Variants in PSEN1 observed in about 807,000 individuals in gnomAD.
The protein encoded by PSEN1 is presenilin 1.
PSEN1 carries 15 observed loss-of-function variants against 53.5 expected under a neutral mutation model. The observed-to-expected ratio is 0.28, with a 90% confidence interval of 0.19 to 0.43. The LOEUF is 0.43. Among genes scored for constraint, PSEN1 ranks in the 20% least tolerant of loss-of-function variants. The probability of loss-of-function intolerance (pLI) is 1.00; values close to 1 mark genes in which losing one functional copy is unlikely to be tolerated. For synonymous variants in PSEN1, 208 were observed against 209.8 expected, an observed-to-expected ratio of 0.99 and a Z score of 0.08; for missense variants, 387 against 571.2, an observed-to-expected ratio of 0.68 and a Z score of 3.29.
At chr14:73,163,925 T>G (rs1041200983) in intron 3 of PSEN1, among the ~76,000 whole-genome samples, 2 of 151,324 alleles carry the variant, frequency 1.3e-5, no homozygotes, top group African/African-American at 2.5e-5. Flanking sequence ...TGATCTCATT[T>G]TGTTTAAAAA....
intron 7 of PSEN1, among the ~76,000 whole-genome samples, chr14:73,196,474 AT>A (rs35294154): frequency 0.13 from 13,261 of 102,374 alleles, 342 homozygotes; most frequent in Middle Eastern, 0.2. Flanking sequence ...GAGGCATGAA[AT>A]TTTTTTTTTT....
intron 1 of PSEN1, among the ~76,000 whole-genome samples, chr14:73,142,432 A>G (rs1037811537): frequency 6.6e-6 from 1 of 152,242 alleles, no homozygotes; most frequent in Non-Finnish European, 1.5e-5. Flanking sequence ...CCTTTGTGCT[A>G]GAGATCATGG....
chr14:73,151,950 T>C (rs1594970183), intron 3 of PSEN1, among the ~76,000 whole-genome samples: 1 of 113,892 alleles, frequency 8.8e-6, no homozygotes, highest in East Asian at 3.1e-4. Context: ...CTCGCTCTGT[T>C]GCCCAGGCTG....
intron 7 of PSEN1, among the ~76,000 whole-genome samples, chr14:73,196,474 ATTTTTT>A (rs35294154): frequency 9.8e-5 from 10 of 102,282 alleles, no homozygotes; most frequent in African/African-American, 3.9e-4. Context: ...GAGGCATGAA[ATTTTTT>A]TTTTTTTTTT....
At chr14:73,150,730 A>ACTCCAG (rs1218480889) in intron 3 of PSEN1, among the ~76,000 whole-genome samples, 3 of 129,258 alleles carry the variant, frequency 2.3e-5, no homozygotes, top group Non-Finnish European at 4.7e-5. Context: ...GCACCACTGC[A>ACTCCAG]CTCCAGCTTG....
intron 9 of PSEN1, among the ~76,000 whole-genome samples, chr14:73,210,231 GA>G (rs1185895147): frequency 6.6e-6 from 1 of 152,088 alleles, no homozygotes; most frequent in African/African-American, 2.4e-5. Context: ...TTCATCAGTG[GA>G]AAAAAATGAG....
At chr14:73,145,774 C>T (rs768195092) in intron 1 of PSEN1, among the ~76,000 whole-genome samples, 7 of 152,112 alleles carry the variant, frequency 4.6e-5, no homozygotes, top group South Asian at 2.1e-4. Flanking sequence ...CATCAGGGAC[C>T]GTCTGTATTG....
At chr14:73,136,486 C>T (rs760593463), upstream of PSEN1, 2 of 152,896 alleles carry the variant, frequency 1.3e-5, no homozygotes, top group South Asian at 2.1e-4. Context: ...CAGGCAGCTC[C>T]GGGGTCCGCG....
intron 5 of PSEN1, among the ~76,000 whole-genome samples, chr14:73,175,131 T>C (rs1375829992): frequency 1.3e-5 from 2 of 152,102 alleles, no homozygotes; most frequent in Non-Finnish European, 2.9e-5. Flanking sequence ...TTTGTTTTTT[T>C]GTTTTTTTCC....
chr14:73,211,629 C>T, intron 9 of PSEN1, 140 bp from the exon 10 acceptor site: 1 of 813,238 alleles, frequency 1.2e-6, no homozygotes, highest in Non-Finnish European at 2.0e-6. Flanking sequence ...AAACTACCAG[C>T]AGGCACTGCT....
At chr14:73,200,849 GAA>G (rs763399179) in intron 8 of PSEN1, among the ~76,000 whole-genome samples, 22 of 151,996 alleles carry the variant, frequency 1.4e-4, no homozygotes, top group Non-Finnish European at 2.8e-4. Context: ...TCAGGAGTTT[GAA>G]ACCAGCCTGG....
rs555329078 is a variant in PSEN1, at chr14:73,181,269, GTC to G, written c.481-5580_481-5579del. 1.1e-4 allele frequency among the ~76,000 whole-genome samples: 17 copies of G among 152,084 alleles called. No homozygotes were observed. In the South Asian group the frequency reaches 3.1e-3, roughly 28 times the overall value. On this transcript the variant is annotated intron_variant, in intron 5 of 11. Coordinates refer to ENST00000324501, the MANE Select transcript of PSEN1 (RefSeq NM_000021.4). ...AGCCTGACCAACATGGAGAAATCCTGTCTCTACTAAAAATACAAAAAAATTAG... is the reference window on the plus strand; with the variant it reads ...AGCCTGACCAACATGGAGAAATCCTGTCTACTAAAAATACAAAAAAATTAG...
At position 73,192,754 on chromosome 14, in the gene PSEN1, G is replaced by A. The variant is rs763831389; in HGVS notation, c.659G>A (p.Arg220Gln). 12 of 1,613,824 alleles carry A rather than the reference G, an allele frequency of 7.4e-6. No homozygotes were observed. The highest frequency in any genetic ancestry group is 2.7e-5 in the African/African-American group (2 of 74,902). The change falls in exon 7 of 12, where the codon CGA becomes CAA. Residue 220 changes from arginine to glutamine, a missense_variant. By Grantham distance (43) the Arg-to-Gln change is conservative. Around this residue, in one of 4 missense-constraint regions of PSEN1, gnomAD observed 169 missense variants for 299.7 expected, o/e 0.56. Transcript: ENST00000324501. The part of the protein sequence containing the change: ...MISIHWKGPL[R>Q]LQQAYLIMIS... ...TCCATTCACTGGAAAGGTCCACTTCGACTCCAGCAGGCATATCTCATTATG... is the reference window on the plus strand; with the variant it reads ...TCCATTCACTGGAAAGGTCCACTTCAACTCCAGCAGGCATATCTCATTATG...
At chr14:73,168,839 A>G (rs892968854) in intron 3 of PSEN1, 2 of 152,290 alleles carry the variant, frequency 1.3e-5, no homozygotes, top group African/African-American at 4.8e-5. Flanking sequence ...CCATCCCCGA[A>G]TGGCCGCGTT....
At chr14:73,148,176 A>G in intron 3 of PSEN1, 70 bp downstream of exon 3, 1 of 1,219,654 alleles carries the variant, frequency 8.2e-7, no homozygotes, top group Non-Finnish European at 1.2e-6. Context: ...CACCTCTGAG[A>G]AATGCTGAGG....
chr14:73,184,544 A>G lies in PSEN1; in HGVS notation c.481-2309A>G, dbSNP rs1385503114. On this transcript the variant is annotated intron_variant, in intron 5 of 11. Transcript: ENST00000324501. ...TGACCCCCCCACCTCCCTCTCGGAC[A>G]GGGCGGCTGGCCTGGCAGAGGGGCT... Among the ~76,000 whole-genome samples the G allele has an allele frequency of 2.8e-3, 282 of 101,644 alleles. 4 individuals are homozygous for G. The highest frequency in any genetic ancestry group is 9.9e-3 in the African/African-American group (206 of 20,806). 66.7% of individuals were successfully genotyped at this position (101,644 alleles called of 152,430 possible).
intron 4 of PSEN1, among the ~76,000 whole-genome samples, chr14:73,172,130 C>T (rs930431336): frequency 3.3e-5 from 5 of 152,196 alleles, no homozygotes; most frequent in Non-Finnish European, 7.3e-5. Context: ...ACTCTCTAGA[C>T]TCCTGGGGGG....
chr14:73,206,344 T>G, intron 8 of PSEN1, 42 bp from the exon 9 acceptor site: 4 of 1,413,836 alleles, frequency 2.8e-6, no homozygotes, highest in Non-Finnish European at 3.0e-6. Flanking sequence ...ATGCATACTT[T>G]GTGTGTCCAG....
At chr14:73,217,081 CAA>C (rs936781142) in intron 10 of PSEN1, 43 bp from the exon 11 acceptor site, 3 of 1,606,878 alleles carry the variant, frequency 1.9e-6, no homozygotes, top group Non-Finnish European at 2.6e-6. Flanking sequence ...GAAATCATAG[CAA>C]AGAGTGACCA....
Sources: allele counts gnomAD v4.1 joint callset (sites outside exome capture counted in the v4.1 genomes callset), GRCh38; gene constraint gnomAD v4.1.1; regional missense constraint gnomAD v4.1.1; transcripts MANE v1.5; gene names NCBI Gene and HGNC (gene_info 2026-07-23, HGNC 2026-07-21).